Variants in NT5DC3 observed in about 807,000 individuals in gnomAD.
NT5DC3 encodes the protein 5'-nucleotidase domain-containing protein 3.
A neutral mutation model predicts 67.8 loss-of-function variants in NT5DC3; 42 were observed. That is an observed-to-expected ratio of 0.62 (90% confidence interval 0.48 to 0.80). The LOEUF is 0.80. NT5DC3 is among the 30% of genes least tolerant of loss of function. The pLI is 0.00. For missense variants in NT5DC3, 570 were observed against 696.4 expected (o/e 0.82, Z 2.04); for synonymous variants, 237 against 255.6 (o/e 0.93, Z 0.69).
intron 1 of NT5DC3, among the ~76,000 whole-genome samples, chr12:103,837,494 GCT>G (rs1289280694): frequency 1.3e-5 from 2 of 152,128 alleles, no homozygotes; most frequent in Non-Finnish European, 2.9e-5. Flanking sequence ...GAGCTTTTAT[GCT>G]CTGTTTCCCT....
downstream of NT5DC3, chr12:103,771,134 T>C (rs1885172524): frequency 6.6e-6 from 1 of 152,226 alleles, no homozygotes; most frequent in Non-Finnish European, 1.5e-5. Flanking sequence ...AGTACAGTCT[T>C]ACATACGTGT....
chr12:103,798,593 G>A lies in NT5DC3; in HGVS notation c.609C>T (p.Tyr203=), dbSNP rs764773310. The A allele has an allele frequency of 1.9e-5, 31 of 1,610,334 alleles. No individual in the cohort carries two copies. Among genetic ancestry groups the A allele is most frequent in the East Asian group, 2.2e-5 (1 of 44,868 alleles). ...ATAAAGTGCTTCTCATTACCTTTCC[G>A]TAAAAGTCACTCATCTGCTCCAAGG... The part of the protein sequence containing the change: ...HVPLEQMSDF[Y]GKSSHGNTMK... The change falls in exon 5 of 14, where the codon TAC becomes TAT. Residue 203 remains tyrosine, a synonymous_variant. Coordinates refer to ENST00000392876, the MANE Select transcript of NT5DC3 (RefSeq NM_001031701.3).
chr12:103,832,271 T>C (rs999298702), intron 1 of NT5DC3, among the ~76,000 whole-genome samples: 3 of 152,000 alleles, frequency 2.0e-5, no homozygotes, highest in African/African-American at 7.3e-5. Context: ...AGGACATCTG[T>C]TTCCACATGT....
chr12:103,797,582 C>A (rs1203198896), intron 5 of NT5DC3, among the ~76,000 whole-genome samples: 1 of 152,186 alleles, frequency 6.6e-6, no homozygotes, highest in African/African-American at 2.4e-5. Flanking sequence ...CTGATTTCCC[C>A]CAGAGTCTAA....
chr12:103,771,489 C>T (rs1353956879), downstream of NT5DC3, among the ~76,000 whole-genome samples: 1 of 152,166 alleles, frequency 6.6e-6, no homozygotes, highest in Non-Finnish European at 1.5e-5. Context: ...GTGTACTGGG[C>T]TCTCCCTTAC....
chr12:103,809,880 T>C (rs548542694), intron 2 of NT5DC3, among the ~76,000 whole-genome samples: 4 of 152,308 alleles, frequency 2.6e-5, no homozygotes, highest in Admixed American at 2.6e-4. Context: ...GTTCCGGGGC[T>C]GAGAGACCAG....
chr12:103,775,201 A>G lies in NT5DC3; in HGVS notation c.*2628T>C, dbSNP rs546417424. 1.1e-4 allele frequency: 16 copies of G among 152,328 alleles called. No individual in the cohort carries two copies. Among genetic ancestry groups the G allele is most frequent in the African/African-American group, 3.9e-4 (16 of 41,558 alleles). The allele number at this position is 152,328 out of a possible 1,614,324, so 9.4% of individuals were successfully genotyped here. The stretch of plus-strand genomic sequence containing the variant: ...CAGTCAGTGAGCCTTGGTGGCCCAG[A>G]TGTCAGGCTTCTGTCACATGGGAGA... On this transcript the variant is annotated 3_prime_UTR_variant, in exon 14 of 14. Coordinates refer to ENST00000392876, the MANE Select transcript of NT5DC3 (RefSeq NM_001031701.3).
At chr12:103,830,992 C>T (rs776585978) in intron 1 of NT5DC3, among the ~76,000 whole-genome samples, 14 of 152,156 alleles carry the variant, frequency 9.2e-5, no homozygotes, top group East Asian at 1.9e-4. Context: ...CCTGGGTTTA[C>T]GGTCTATTTA....
At chr12:103,806,723 AT>A in intron 3 of NT5DC3, 131 bp downstream of exon 3, 1 of 626,138 alleles carries the variant, frequency 1.6e-6, no homozygotes, top group Non-Finnish European at 2.9e-6. Flanking sequence ...ATATATGTGA[AT>A]AAATTTGGTT....
At chr12:103,834,297 A>G (rs1241155001) in intron 1 of NT5DC3, among the ~76,000 whole-genome samples, 1 of 152,198 alleles carries the variant, frequency 6.6e-6, no homozygotes, top group East Asian at 1.9e-4. Flanking sequence ...TTGATACAGG[A>G]TGCATAAACA....
Position 103,788,854 on chromosome 12 carries a change from C to T in NT5DC3, c.1085G>A (p.Gly362Asp). 1.2e-6 allele frequency: 2 copies of T among 1,612,240 alleles called. No individual in the cohort carries two copies. The highest frequency in any genetic ancestry group is 1.7e-6 in the Non-Finnish European group (2 of 1,178,330). Reference protein sequence around the residue: ...LWDKIHKLQKGQIYKQGNLYE... With the variant: ...LWDKIHKLQKDQIYKQGNLYE... ...ATGAGATACCTGCTTGTATATCTGG[C>T]CTTTCTGCAACTTATGGATTTTATC... Residue 362 changes from glycine to aspartate, a missense_variant, in exon 10 of 14, where the codon GGC (glycine) becomes GAC (aspartate). By Grantham distance (94) the Gly-to-Asp change is moderately conservative (BLOSUM62 -1). Around this residue, in one of 2 missense-constraint regions of NT5DC3, gnomAD observed 466 missense variants for 608.0 expected, o/e 0.77. Coordinates refer to ENST00000392876, the MANE Select transcript of NT5DC3 (RefSeq NM_001031701.3).
chr12:103,825,430 T>C (rs1887652207), intron 1 of NT5DC3, among the ~76,000 whole-genome samples: 1 of 152,178 alleles, frequency 6.6e-6, no homozygotes, highest in East Asian at 1.9e-4. Context: ...AAAAAAAATC[T>C]TTAAAAAAAT....
chr12:103,840,824 G>A (rs1040919314), intron 1 of NT5DC3, 125 bp downstream of exon 1: 84 of 401,678 alleles, frequency 2.1e-4, no homozygotes, highest in African/African-American at 1.7e-3. Flanking sequence ...TGTGGGCACC[G>A]GGGTTCGCGA....
At position 103,785,359 on chromosome 12, in the gene NT5DC3, C is replaced by T; in HGVS notation, c.1305G>A (p.Leu435=). The T allele has an allele frequency of 6.2e-7, 1 of 1,614,062 alleles. No homozygotes were observed. The highest frequency in any genetic ancestry group is 8.5e-7 in the Non-Finnish European group (1 of 1,179,966). ...YIQTMTWLQT[L]TGLLEQMQVH... ...CCTGCATCTGTTCCAATAAGCCAGT[C>T]AAGGTCTGCAGCCAGGTCATGGTTT... The change falls in exon 12 of 14, where the codon TTG becomes TTA. Residue 435 remains leucine, a synonymous_variant. Transcript: ENST00000392876.
the NT5DC3 span, chr12:103,762,512 T>C: frequency 2.3e-5 from 35 of 1,547,644 alleles, no homozygotes; most frequent in Non-Finnish European, 2.9e-5. Context: ...CCAGAAGCAG[T>C]GTGTCACACA....
chr12:103,760,668 C>A, the NT5DC3 span, among the ~76,000 whole-genome samples: 1 of 152,074 alleles, frequency 6.6e-6, no homozygotes, highest in African/African-American at 2.4e-5. Context: ...GTGGTGATAA[C>A]CATGATGTCG....
At chr12:103,827,517 T>C (rs1445690931) in intron 1 of NT5DC3, among the ~76,000 whole-genome samples, 1 of 152,214 alleles carries the variant, frequency 6.6e-6, no homozygotes, top group Non-Finnish European at 1.5e-5. Flanking sequence ...GTTTCTCAAG[T>C]AGATTTTTCT....
chr12:103,820,848 C>T (rs1887461625), intron 1 of NT5DC3: 1 of 152,230 alleles, frequency 6.6e-6, no homozygotes, highest in African/African-American at 2.4e-5. Flanking sequence ...TCTGACAAAC[C>T]GAGGTCCCAA....
At chr12:103,781,453 G>A (rs939438531) in intron 12 of NT5DC3, among the ~76,000 whole-genome samples, 4 of 152,204 alleles carry the variant, frequency 2.6e-5, no homozygotes, top group Admixed American at 6.5e-5. Context: ...GCCACCCTTC[G>A]GGCCTTACCT....
Sources: gnomAD v4.1 joint callset for allele counts (sites outside exome capture counted in the v4.1 genomes callset) on GRCh38, gnomAD v4.1.1 for gene constraint, gnomAD v4.1.1 regional missense constraint, MANE v1.5 for transcripts, NCBI Gene and HGNC (gene_info 2026-07-23, HGNC 2026-07-21) for gene names.